DNHD1: variants seen among roughly 807,000 people sequenced by gnomAD.
DNHD1 encodes dynein heavy chain domain-containing protein 1.
In DNHD1, 383 loss-of-function variants were observed where a neutral mutation model predicts 458.1. That is an observed-to-expected ratio of 0.84 (90% CI 0.77 to 0.91). The LOEUF (loss-of-function observed/expected upper bound fraction) is 0.91. Among genes scored for constraint, DNHD1 ranks in the 40% least tolerant of loss-of-function variants. DNHD1 has a pLI of 0.00. For missense variants in DNHD1, 5,336 were observed against 5,866.1 expected (o/e 0.91, Z 2.95); for synonymous variants, 2,203 against 2,376.9 (o/e 0.93, Z 2.13).
intron 29 of DNHD1, 42 bp downstream of exon 29, chr11:6,563,173 A>C (rs1275136417): frequency 2.6e-6 from 4 of 1,551,138 alleles, no homozygotes; most frequent in African/African-American, 2.7e-5. Flanking sequence ...CTCCTCTCTC[A>C]AAAGAGGGCA....
At chr11:6,523,331 G>A (rs147723771) in intron 10 of DNHD1, among the ~76,000 whole-genome samples, 1 of 152,264 alleles carries the variant, frequency 6.6e-6, no homozygotes, top group African/African-American at 2.4e-5. Flanking sequence ...TGAGCAGTAG[G>A]ACTAGGAAGA....
rs539298348 is a variant in DNHD1, at chr11:6,516,150, C to G, written c.1393-3450C>G. On this transcript the variant is annotated intron_variant, in intron 7 of 42. Transcript: ENST00000254579. ...TTCTGAGAGGTATATGTTAAATATC[C>G]CTTCCTACCTACAACTATAGATTTG... Among the ~76,000 whole-genome samples the G allele has an allele frequency of 2.0e-4, 30 of 152,056 alleles. 1 individual carries two copies. Among genetic ancestry groups the G allele is most frequent in the Middle Eastern group, 3.4e-3 (1 of 294 alleles).
At chr11:6,520,789 C>G in intron 10 of DNHD1, 1 of 991,950 alleles carries the variant, frequency 1.0e-6, no homozygotes, top group South Asian at 4.6e-5. Flanking sequence ...TAACCATCAG[C>G]GTGGAAACAC....
chr11:6,563,935 C>A lies in DNHD1; in HGVS notation c.10095C>A (p.Gly3365=). The A allele has an allele frequency of 6.4e-7, 1 of 1,551,704 alleles. No homozygotes were observed. The highest frequency in any genetic ancestry group is 8.7e-7 in the Non-Finnish European group (1 of 1,147,006). Residue 3365 remains glycine (G), a synonymous_variant, in exon 31 of 43, where the codon GGC becomes GGA. Transcript: ENST00000254579. ...ATLTREQARL[G]YYQFQAQETL... is the part of the protein sequence containing the mutation. ...TCACTCGGGAGCAGGCCCGCCTGGGCTACTACCAGTTTCAGGCCCAGGAGA... is the reference window on the plus strand; with the variant it reads ...TCACTCGGGAGCAGGCCCGCCTGGGATACTACCAGTTTCAGGCCCAGGAGA...
intron 7 of DNHD1, among the ~76,000 whole-genome samples, chr11:6,512,282 G>A (rs58068171): frequency 0.24 from 32,632 of 135,598 alleles, 4,850 homozygotes; most frequent in African/African-American, 0.37. Flanking sequence ...GTGCAGTGGC[G>A]GGATCTCGGC....
rs113574909 is a variant in DNHD1 at position 6,564,131 on chromosome 11, A to G, written c.10284+7A>G. ...CTGGACTACACAGCTCCAGGTAACC[A>G]TCCCCCTCCCAGATGTCTCCCCCAA... is the stretch of plus-strand genomic sequence containing the variant. On this transcript the variant is annotated splice_region_variant and intron_variant, in intron 31 of 42. Coordinates refer to ENST00000254579, the MANE Select transcript of DNHD1 (RefSeq NM_144666.3). 126 of 1,545,796 alleles carry G rather than the reference A, an allele frequency of 8.2e-5. No homozygotes were observed. In the East Asian group the frequency reaches 2.8e-3, roughly 35 times the overall value.
intron 12 of DNHD1, among the ~76,000 whole-genome samples, chr11:6,530,328 T>C (rs1852799970): frequency 6.6e-6 from 1 of 152,156 alleles, no homozygotes; most frequent in Non-Finnish European, 1.5e-5. Flanking sequence ...GAAATCTGGC[T>C]TATGACCTAG....
chr11:6,558,786 G>T, intron 26 of DNHD1, 93 bp downstream of exon 26: 1 of 1,495,794 alleles, frequency 6.7e-7, no homozygotes, highest in Non-Finnish European at 9.1e-7. Flanking sequence ...CCTCTCTAGA[G>T]CCTACAGAGC....
Position 6,568,737 on chromosome 11 carries a change from G to T in DNHD1, c.12734G>T (p.Ser4245Ile). The change falls in exon 39 of 43, where the codon AGT becomes ATT. Residue 4245 changes from serine to isoleucine, a missense_variant. Ser to Ile is a moderately radical substitution (Grantham distance 142). Around this residue, in one of 4 missense-constraint regions of DNHD1, gnomAD observed 695 missense variants for 804.2 expected, o/e 0.86. Coordinates refer to ENST00000254579, the MANE Select transcript of DNHD1 (RefSeq NM_144666.3). The stretch of plus-strand genomic sequence containing the variant: ...GAGCTGGGCCATGTTTTGATTGACA[G>T]TGTGGAGCTAGCCCAGCAAGTACTC... ...SLELGHVLID[S>I]VELAQQVLYM... The T allele has an allele frequency of 6.2e-7, 1 of 1,613,740 alleles. No individual in the cohort carries two copies. The highest frequency in any genetic ancestry group is 1.3e-5 in the African/African-American group (1 of 75,016).
chr11:6,555,933 A>C (rs1164254979), intron 24 of DNHD1, among the ~76,000 whole-genome samples: 2 of 152,172 alleles, frequency 1.3e-5, no homozygotes, highest in Non-Finnish European at 1.5e-5. Flanking sequence ...CTTAAAATGT[A>C]TACATTTTGT....
At chr11:6,510,138 C>T (rs1589867029) in intron 6 of DNHD1, among the ~76,000 whole-genome samples, 1 of 151,674 alleles carries the variant, frequency 6.6e-6, no homozygotes, top group South Asian at 2.1e-4. Flanking sequence ...GGCTGGAGTA[C>T]AATGGCGCGA....
In DNHD1 at chr11:6,557,451, A is replaced by T. The variant is rs573486386; in HGVS notation, c.8156A>T (p.Asp2719Val). ...GAAGGGGAGTTGGCCCAGTGGGAGG[A>T]CTTCAGCAACAGCAATAGTGAAACA... ...ESEGELAQWE[D>V]FSNSNSETEE... Residue 2719 changes from aspartate to valine, a missense_variant, in exon 25 of 43, where the codon GAC becomes GTC. Asp to Val is a radical substitution (Grantham distance 152). Coordinates refer to ENST00000254579, the MANE Select transcript of DNHD1 (RefSeq NM_144666.3). 39 of 1,551,610 alleles carry T rather than the reference A, an allele frequency of 2.5e-5. No individual in the cohort carries two copies. In the East Asian group the frequency reaches 9.5e-4, roughly 38 times the overall value.
At chr11:6,556,361 G>C (rs1056136370) in intron 24 of DNHD1, among the ~76,000 whole-genome samples, 2 of 152,080 alleles carry the variant, frequency 1.3e-5, no homozygotes, top group South Asian at 4.2e-4. Flanking sequence ...AATTGTGATC[G>C]ATCTGGTTTC....
chr11:6,539,916 CTA>C lies in DNHD1; in HGVS notation c.3464_3465del (p.Ile1155ThrfsTer48). On this transcript the variant is annotated frameshift_variant, in exon 18 of 43. Transcript: ENST00000254579. The stretch of plus-strand genomic sequence containing the variant: ...AATGAACGAATTCATGCCCAAGAGA[CTA>C]TACGGCGGTTGCAGCGGTACTGGGA... 2 of 1,551,772 alleles carry C rather than the reference CTA, an allele frequency of 1.3e-6. No homozygotes were observed. Among genetic ancestry groups the C allele is most frequent in the Non-Finnish European group, 1.7e-6 (2 of 1,147,002 alleles).
In DNHD1 at chr11:6,545,446, G is replaced by T; in HGVS notation, c.4507G>T (p.Val1503Phe). Residue 1503 changes from valine to phenylalanine, a missense_variant, in exon 21 of 43, where the codon GTC becomes TTC. Physicochemically the swap from Val to Phe is conservative, Grantham distance 50. This residue lies in a region of DNHD1 where 3,932 missense variants were observed against 4,365.6 expected (regional missense o/e 0.90). Transcript: ENST00000254579. This position sits in a 1 kb window ranked among gnomAD's most constrained non-coding sequence, Gnocchi z 4.9. ...QLYVQHWIDLVQAFPWQCVLV... is the reference protein window; with the variant it reads ...QLYVQHWIDLFQAFPWQCVLV... ...GTATGTCCAGCACTGGATCGACTTA[G>T]TCCAGGCCTTCCCATGGCAGTGTGT... 1.3e-6 allele frequency: 2 copies of T among 1,551,882 alleles called. No individual in the cohort carries two copies. Among genetic ancestry groups the T allele is most frequent in the Middle Eastern group, 1.7e-4 (1 of 5,994 alleles).
At chr11:6,544,415 A>G (rs2288282) in intron 19 of DNHD1, among the ~76,000 whole-genome samples, 159 bp from the exon 20 acceptor site, 13,125 of 152,152 alleles carry the variant, frequency 0.086, 635 homozygotes, top group South Asian at 0.11. Context: ...ATTCACAGTG[A>G]AAGTTTTTTC....
In DNHD1 at chr11:6,524,942, G is replaced by A. The variant is rs141585394; in HGVS notation, c.1838-3580G>A. Among the ~76,000 whole-genome samples the A allele has an allele frequency of 9.4e-3, 1,432 of 152,256 alleles. 21 individuals carry two copies. The highest frequency in any genetic ancestry group is 0.033 in the African/African-American group (1,351 of 41,544). ...GAGTTTGTTCTGTGGCTCAAAAGTG[G>A]TCATCAAGTACCAGGTTCTTTGTAT... On this transcript the variant is annotated intron_variant, in intron 10 of 42. Transcript: ENST00000254579.
intron 4 of DNHD1, chr11:6,504,139 T>C (rs1331972014): frequency 1.3e-5 from 2 of 152,260 alleles, no homozygotes; most frequent in Non-Finnish European, 2.9e-5. Flanking sequence ...TAGGTAGCAC[T>C]AATGATCAAT....
At chr11:6,503,015 C>A (rs1013654195) in intron 4 of DNHD1, 89 bp downstream of exon 4, 1 of 1,431,662 alleles carries the variant, frequency 7.0e-7, no homozygotes, top group Non-Finnish European at 9.5e-7. Flanking sequence ...ACGTGCGCAC[C>A]CTTCTCCCTG....
Sources: allele counts gnomAD v4.1 joint callset (sites outside exome capture counted in the v4.1 genomes callset), GRCh38; gene constraint gnomAD v4.1.1; regional missense constraint gnomAD v4.1.1; non-coding constraint Gnocchi (gnomAD v3.1); transcripts MANE v1.5; gene names NCBI Gene and HGNC (gene_info 2026-07-23, HGNC 2026-07-21).